SPATA3: variants seen among roughly 807,000 people sequenced by gnomAD.
SPATA3 encodes the protein spermatogenesis associated 3.
SPATA3 carries 6 observed loss-of-function variants against 5.7 expected under a neutral mutation model. The ratio of observed to expected loss-of-function variants is 1.06; its 90% CI spans 0.58 to 2.09. The LOEUF (loss-of-function observed/expected upper bound fraction) is 2.09. Among genes scored for constraint, SPATA3 ranks in the 30% most tolerant of loss-of-function variants. SPATA3 has a pLI of 0.00. For missense variants in SPATA3, 155 were observed against 130.4 expected (o/e 1.19, Z -0.92); for synonymous variants, 44 against 48.4 (o/e 0.91, Z 0.37).
chr2:231,000,538 G>T lies in SPATA3; in HGVS notation c.962+1G>T. 1 of 1,517,942 alleles carries T rather than the reference G, an allele frequency of 6.6e-7. No homozygotes were observed. The highest frequency in any genetic ancestry group is 1.2e-5 in the South Asian group (1 of 80,698). 94.0% of individuals were successfully genotyped at this position (1,517,942 alleles called of 1,614,324 possible). A position where few individuals can be genotyped will look rare whatever the true frequency, so the allele number is the denominator to read the frequency against. On this transcript the variant is annotated splice_donor_variant, in intron 2 of 2. Transcript: ENST00000645363. LOFTEE classifies it high-confidence loss of function. Reference sequence around the variant, plus strand: ...TCCCCAACCTGCTCACCTTCTACAGGTTCCAAGCGCGAGGGGCTGGAGCCT... The same window carrying T: ...TCCCCAACCTGCTCACCTTCTACAGTTTCCAAGCGCGAGGGGCTGGAGCCT...
At chr2:231,005,903 C>T (rs1372673099), downstream of SPATA3, among the ~76,000 whole-genome samples, 2 of 151,266 alleles carry the variant, frequency 1.3e-5, no homozygotes, top group Non-Finnish European at 2.9e-5. Flanking sequence ...GTGGCTCAAA[C>T]CTGTAATCCT....
chr2:230,998,894 G>A (rs1463501933), intron 1 of SPATA3, among the ~76,000 whole-genome samples: 1 of 152,156 alleles, frequency 6.6e-6, no homozygotes, highest in Non-Finnish European at 1.5e-5. Flanking sequence ...AGAATTCGAA[G>A]CATCTTATTA....
At chr2:231,007,465 C>T (rs1295929597), downstream of SPATA3, among the ~76,000 whole-genome samples, 1 of 152,162 alleles carries the variant, frequency 6.6e-6, no homozygotes, top group African/African-American at 2.4e-5. Flanking sequence ...CACACACTCA[C>T]AGAACACAGT....
chr2:231,010,162 A>G (rs11691647), downstream of SPATA3, among the ~76,000 whole-genome samples: 52,689 of 152,238 alleles, frequency 0.35, 9,287 homozygotes, highest in Non-Finnish European at 0.37. Context: ...CTGAAAACTC[A>G]TATGAGGCAA....
chr2:231,006,965 G>T (rs1692650471), downstream of SPATA3: 1 of 152,280 alleles, frequency 6.6e-6, no homozygotes, highest in Non-Finnish European at 1.5e-5. Flanking sequence ...GAAGGCGCTG[G>T]CACCGATGAG....
chr2:231,004,735 C>T (rs1009733307), downstream of SPATA3, among the ~76,000 whole-genome samples: 1 of 152,080 alleles, frequency 6.6e-6, no homozygotes, highest in Non-Finnish European at 1.5e-5. Context: ...TCTTCAATAC[C>T]CAGTATTTCT....
chr2:231,000,478 G>A (rs1256618386), exon 2 of SPATA3: 1 of 1,549,952 alleles, frequency 6.5e-7, no homozygotes, highest in Admixed American at 2.0e-5. Flanking sequence ...ATGTCCTTCT[G>A]CCTCGGGACT....
chr2:231,009,182 G>T (rs976123817), downstream of SPATA3, among the ~76,000 whole-genome samples: 3 of 152,186 alleles, frequency 2.0e-5, no homozygotes, highest in African/African-American at 7.2e-5. Flanking sequence ...GGGAATGGAC[G>T]CTGGGCAGCT....
At chr2:231,018,937 C>T (rs1693001019) in intron 6 of SPATA3, among the ~76,000 whole-genome samples, 1 of 151,124 alleles carries the variant, frequency 6.6e-6, no homozygotes. Context: ...CCACCCGCCT[C>T]AGCCACCGTG....
chr2:231,002,216 T>C (rs1692378185), intron 2 of SPATA3, among the ~76,000 whole-genome samples: 1 of 152,254 alleles, frequency 6.6e-6, no homozygotes, highest in Non-Finnish European at 1.5e-5. Context: ...AAACGGGTAT[T>C]GCATTTTTTG....
At chr2:231,005,979 C>T (rs1692608152), downstream of SPATA3, among the ~76,000 whole-genome samples, 1 of 118,108 alleles carries the variant, frequency 8.5e-6, no homozygotes, top group Non-Finnish European at 1.7e-5. Context: ...GCCTGGGTAA[C>T]ATACCAAGAC....
At chr2:230,999,332 T>C (rs1692258237) in intron 1 of SPATA3, among the ~76,000 whole-genome samples, 1 of 152,194 alleles carries the variant, frequency 6.6e-6, no homozygotes, top group Non-Finnish European at 1.5e-5. Flanking sequence ...ACTTTGTGAA[T>C]ATACTAAAAA....
At chr2:230,997,031 G>A (rs370384985) in intron 1 of SPATA3, among the ~76,000 whole-genome samples, 7 of 152,160 alleles carry the variant, frequency 4.6e-5, no homozygotes, top group African/African-American at 1.4e-4. Flanking sequence ...GTCAATTGAA[G>A]GAATTGGAGG....
At chr2:231,011,086 A>AAAAAAAAAAAG (rs1692774078), downstream of SPATA3, among the ~76,000 whole-genome samples, 2 of 143,996 alleles carry the variant, frequency 1.4e-5, no homozygotes, top group African/African-American at 5.5e-5. Flanking sequence ...AAAAAAAAAA[A>AAAAAAAAAAAG]AAAGAAAAGA....
chr2:231,009,138 A>G (rs1574670831), downstream of SPATA3, among the ~76,000 whole-genome samples: 1 of 152,204 alleles, frequency 6.6e-6, no homozygotes, highest in East Asian at 1.9e-4. Flanking sequence ...TGATTCTCCA[A>G]CTGCAGTGTG....
downstream of SPATA3, among the ~76,000 whole-genome samples, chr2:231,005,507 A>ACTG (rs1692580007): frequency 7.1e-6 from 1 of 140,280 alleles, no homozygotes; most frequent in Non-Finnish European, 1.6e-5. Flanking sequence ...CATCATCACC[A>ACTG]CCACCACCAT....
downstream of SPATA3, among the ~76,000 whole-genome samples, chr2:231,009,145 T>C (rs1427924214): frequency 6.6e-6 from 1 of 152,148 alleles, no homozygotes; most frequent in Non-Finnish European, 1.5e-5. Context: ...CCAACTGCAG[T>C]GTGGGTAACC....
chr2:231,018,392 C>G (rs981803911), intron 6 of SPATA3, among the ~76,000 whole-genome samples: 2 of 152,152 alleles, frequency 1.3e-5, no homozygotes, highest in African/African-American at 4.8e-5. Flanking sequence ...CCTCCCCTCT[C>G]CTTCCCATAA....
At chr2:231,018,532 A>G (rs891206046) in intron 6 of SPATA3, among the ~76,000 whole-genome samples, 3 of 151,812 alleles carry the variant, frequency 2.0e-5, no homozygotes, top group African/African-American at 7.3e-5. Flanking sequence ...TTGTTAATAC[A>G]TTTGTGTGCC....
Sources: allele counts gnomAD v4.1 joint callset (sites outside exome capture counted in the v4.1 genomes callset), GRCh38; gene constraint gnomAD v4.1.1; transcripts MANE v1.5; gene names NCBI Gene and HGNC (gene_info 2026-07-23, HGNC 2026-07-21).